The following BFSP1 variants were observed in gnomAD, a reference collection of about 807,000 sequenced individuals.
The protein encoded by BFSP1 is filensin.
A neutral mutation model predicts 43.9 loss-of-function variants in BFSP1; 38 were observed. That is an observed-to-expected ratio of 0.87 (90% confidence interval 0.67 to 1.14). BFSP1 has a LOEUF of 1.14. Ranked by LOEUF, BFSP1 falls within the 50% of genes most tolerant of loss-of-function variation. BFSP1 has a pLI of 0.00. For missense variants in BFSP1, 850 were observed against 875.1 expected (o/e 0.97, Z 0.36); for synonymous variants, 352 against 354.8 (o/e 0.99, Z 0.09).
At chr20:17,564,871 G>C (rs1003472092) in intron 1 of BFSP1, among the ~76,000 whole-genome samples, 2 of 151,880 alleles carry the variant, frequency 1.3e-5, no homozygotes, top group African/African-American at 4.8e-5. Context: ...TTACAGGTGT[G>C]AGCCACCATG....
chr20:17,531,109 G>C lies in BFSP1; in HGVS notation c.221C>G (p.Ala74Gly). 1 of 1,342,250 alleles carries C rather than the reference G, an allele frequency of 7.5e-7. No homozygotes were observed. Among genetic ancestry groups the C allele is most frequent in the South Asian group, 1.9e-5 (1 of 53,288 alleles). 83.1% of individuals were successfully genotyped at this position (1,342,250 alleles called of 1,614,324 possible). A position where few individuals can be genotyped will look rare whatever the true frequency, so the allele number is the denominator to read the frequency against. Residue 74 changes from alanine (A) to glycine (G), a missense_variant, in exon 1 of 8, where the codon GCC becomes GGC. Physicochemically the swap from Ala to Gly is moderately conservative, Grantham distance 60 (BLOSUM62 0). Transcript: ENST00000377873. Reference protein sequence around the residue: ...RHAGLRRQLDAFQRLGELAGP... With the variant: ...RHAGLRRQLDGFQRLGELAGP... ...GGCCAGCTCGCCCAGGCGCTGGAAG[G>C]CATCCAGCTGCCTCCGGAGCCCGGC...
intron 5 of BFSP1, among the ~76,000 whole-genome samples, chr20:17,500,355 G>T (rs1318962443): frequency 6.6e-6 from 1 of 152,236 alleles, no homozygotes; most frequent in Non-Finnish European, 1.5e-5. Flanking sequence ...CAGTACTGCA[G>T]TCAACAATGG....
intron 1 of BFSP1, among the ~76,000 whole-genome samples, chr20:17,536,896 C>T (rs552600743): frequency 6.6e-6 from 1 of 152,138 alleles, no homozygotes; most frequent in Non-Finnish European, 1.5e-5. Context: ...TTATTATGAG[C>T]AGAATTGTAT....
At chr20:17,548,363 A>G (rs1281146553) in intron 1 of BFSP1, among the ~76,000 whole-genome samples, 1 of 152,190 alleles carries the variant, frequency 6.6e-6, no homozygotes, top group Non-Finnish European at 1.5e-5. Context: ...TGATTTGCAT[A>G]AAGTTTACCA....
intron 1 of BFSP1, among the ~76,000 whole-genome samples, chr20:17,545,097 G>C (rs973131558): frequency 2.0e-5 from 3 of 152,198 alleles, no homozygotes; most frequent in Non-Finnish European, 2.9e-5. Flanking sequence ...GAGGACAAAA[G>C]AGTTTTCCCA....
In BFSP1 at chr20:17,494,028, C is replaced by T. The variant is rs891222078; in HGVS notation, c.*46G>A. 1 of 1,497,812 alleles carries T rather than the reference C, an allele frequency of 6.7e-7. No individual in the cohort carries two copies. Among genetic ancestry groups the T allele is most frequent in the Non-Finnish European group, 9.1e-7 (1 of 1,096,176 alleles). The allele number at this position is 1,497,812 out of a possible 1,614,324, so 92.8% of individuals were successfully genotyped here. A position where few individuals can be genotyped will look rare whatever the true frequency, so the allele number is the denominator to read the frequency against. On this transcript the variant is annotated 3_prime_UTR_variant, in exon 8 of 8. Transcript: ENST00000377873. ...TGCTCTAAAATATCAAAGCATTACCCCTACAGTGGCCCCAAATACATTTTA... is the reference window on the plus strand; with the variant it reads ...TGCTCTAAAATATCAAAGCATTACCTCTACAGTGGCCCCAAATACATTTTA...
chr20:17,559,976 C>T (rs138294098), upstream of BFSP1, among the ~76,000 whole-genome samples: 1 of 152,110 alleles, frequency 6.6e-6, no homozygotes, highest in Non-Finnish European at 1.5e-5. Flanking sequence ...ACTCAAATTT[C>T]AAATCATGAC....
At chr20:17,501,200 C>G (rs573136539) in intron 5 of BFSP1, among the ~76,000 whole-genome samples, 1 of 152,348 alleles carries the variant, frequency 6.6e-6, no homozygotes, top group South Asian at 2.1e-4. Context: ...CATCAAAACC[C>G]AATTCTTCAC....
intron 2 of BFSP1, chr20:17,516,765 A>G (rs1417030469): frequency 2.6e-6 from 1 of 387,952 alleles, no homozygotes; most frequent in African/African-American, 2.0e-5. Flanking sequence ...AAATTAGTCA[A>G]TGTGCAACCC....
chr20:17,499,031 G>C lies in BFSP1; in HGVS notation c.745C>G (p.Leu249Val). The change falls in exon 6 of 8, where the codon CTG becomes GTG. Residue 249 changes from leucine (L) to valine (V), a missense_variant. Leu to Val is a conservative substitution (Grantham distance 32). Coordinates refer to ENST00000377873, the MANE Select transcript of BFSP1 (RefSeq NM_001195.5). ...TGGGCACTTTTAATAGCTTGTTCCAGAGTTGTTGTCTGTGGGCAAGGACAC... is the reference window on the plus strand; with the variant it reads ...TGGGCACTTTTAATAGCTTGTTCCACAGTTGTTGTCTGTGGGCAAGGACAC... The part of the protein sequence containing the change: ...RVELQAQTTT[L>V]EQAIKSAHEC... The C allele has an allele frequency of 1.2e-6, 2 of 1,614,134 alleles. No individual in the cohort carries two copies. The highest frequency in any genetic ancestry group is 1.7e-4 in the Middle Eastern group (1 of 6,058).
At chr20:17,530,271 T>G (rs1416797603) in intron 1 of BFSP1, among the ~76,000 whole-genome samples, 2 of 152,240 alleles carry the variant, frequency 1.3e-5, no homozygotes, top group African/African-American at 2.4e-5. Flanking sequence ...AGACTTAGCA[T>G]GCCCAGGACC....
intron 5 of BFSP1, among the ~76,000 whole-genome samples, chr20:17,501,275 C>T (rs1421046301): frequency 5.9e-5 from 9 of 152,180 alleles, no homozygotes; most frequent in Admixed American, 5.2e-4. Context: ...CAAAGGTGTT[C>T]GGCAAATGGC....
intron 2 of BFSP1, 113 bp downstream of exon 2, chr20:17,524,732 AAAG>A: frequency 8.8e-7 from 1 of 1,141,306 alleles, no homozygotes; most frequent in Non-Finnish European, 1.3e-6. Flanking sequence ...AGTGACTGCA[AAAG>A]AAGTAGTGAC....
intron 4 of BFSP1, among the ~76,000 whole-genome samples, chr20:17,511,056 C>T (rs1451526906): frequency 6.6e-6 from 1 of 152,152 alleles, no homozygotes; most frequent in African/African-American, 2.4e-5. Flanking sequence ...AAATGATCCT[C>T]CCACCTCAGC....
Position 17,493,997 on chromosome 20 carries a change from A to T in BFSP1, c.*77T>A. ...TCCAAACAGGAACCCTCACCCTTTT[A>T]TCATTTGCTCTAAAATATCAAAGCA... On this transcript the variant is annotated 3_prime_UTR_variant, in exon 8 of 8. Coordinates refer to ENST00000377873, the MANE Select transcript of BFSP1 (RefSeq NM_001195.5). 3 of 1,335,292 alleles carry T rather than the reference A, an allele frequency of 2.2e-6. No homozygotes were observed. The highest frequency in any genetic ancestry group is 3.1e-6 in the Non-Finnish European group (3 of 967,558). The allele number at this position is 1,335,292 out of a possible 1,614,324, so 82.7% of individuals were successfully genotyped here.
Position 17,566,036 on chromosome 20 carries a change from T to G in BFSP1, n.51-2941A>C, listed in dbSNP as rs1031579743. Reference sequence around the variant, plus strand: ...GGGAGGCTGAGGCAAGATAATCGCTTGAACTCAGGAGGCGGAGGTTGCAGT... The same window carrying G: ...GGGAGGCTGAGGCAAGATAATCGCTGGAACTCAGGAGGCGGAGGTTGCAGT... On this transcript the variant is annotated intron_variant and non_coding_transcript_variant, in intron 1 of 6. Coordinates refer to the BFSP1 transcript ENST00000473415. 4.0e-5 allele frequency among the ~76,000 whole-genome samples: 6 copies of G among 148,640 alleles called. No homozygotes were observed. The Admixed American group carries it at 4.1e-4, about 10-fold the overall frequency.
chr20:17,500,341 A>G (rs1242933722), intron 5 of BFSP1, among the ~76,000 whole-genome samples: 2 of 152,260 alleles, frequency 1.3e-5, no homozygotes, highest in African/African-American at 2.4e-5. Flanking sequence ...CATGGGCCAC[A>G]TAACAGTACT....
Position 17,511,945 on chromosome 20 carries a change from C to T in BFSP1, c.627+31G>A. 5 of 1,547,128 alleles carry T rather than the reference C, an allele frequency of 3.2e-6. No individual in the cohort carries two copies. In the South Asian group the frequency reaches 3.4e-5, roughly 10 times the overall value. On this transcript the variant is annotated intron_variant, in intron 4 of 7. Transcript: ENST00000377873. ...CTCCAGGTACAGCTTCCCTCCAGGG[C>T]TGGTTTGCCTTTTCCTGCTTCAATT... is the stretch of plus-strand genomic sequence containing the variant.
At chr20:17,567,153 A>G (rs1429532670) in intron 1 of BFSP1, among the ~76,000 whole-genome samples, 5 of 152,242 alleles carry the variant, frequency 3.3e-5, no homozygotes, top group Non-Finnish European at 7.3e-5. Context: ...GTCAATGTCT[A>G]GAAAAGCTGG....
Sources: gnomAD v4.1 joint callset for allele counts (sites outside exome capture counted in the v4.1 genomes callset) on GRCh38, gnomAD v4.1.1 for gene constraint, MANE v1.5 for transcripts, NCBI Gene and HGNC (gene_info 2026-07-23, HGNC 2026-07-21) for gene names.